Variants in OCM observed in about 807,000 individuals in gnomAD.
OCM encodes oncomodulin, also known as oncomodulin-1.
In OCM, 18 loss-of-function variants were observed where a neutral mutation model predicts 14.1. The ratio of observed to expected loss-of-function variants is 1.28; its 90% CI spans 0.88 to 1.89. The LOEUF (loss-of-function observed/expected upper bound fraction) is 1.89, where lower values mean the gene tolerates loss of function less well. Ranked by LOEUF, OCM falls within the 40% of genes most tolerant of loss-of-function variation. The pLI is 0.00. For missense variants in OCM, 140 were observed against 137.6 expected, an observed-to-expected ratio of 1.02 and a Z score of -0.09; for synonymous variants, 48 against 51.0, an observed-to-expected ratio of 0.94 and a Z score of 0.25.
intron 3 of OCM, among the ~76,000 whole-genome samples, chr7:5,884,553 T>G (rs1212996254): frequency 3.3e-5 from 5 of 152,142 alleles, no homozygotes; most frequent in African/African-American, 1.2e-4. Context: ...AGGTTTGAGC[T>G]TTAGAATACA....
upstream of OCM, among the ~76,000 whole-genome samples, chr7:5,875,076 A>T (rs1781068345): frequency 1.4e-5 from 2 of 144,696 alleles, no homozygotes; most frequent in Non-Finnish European, 3.0e-5. Context: ...TTTTTTTGAG[A>T]CGGAGTCTTG....
At chr7:5,881,365 A>G (rs1414164971) in intron 1 of OCM, among the ~76,000 whole-genome samples, 5 of 149,646 alleles carry the variant, frequency 3.3e-5, no homozygotes, top group African/African-American at 1.2e-4. Flanking sequence ...TCACATCTGT[A>G]ATCCCAACAC....
In OCM at chr7:5,886,302, C is replaced by T. The variant is rs1583173584; in HGVS notation, c.*213C>T. 5 of 556,006 alleles carry T rather than the reference C, an allele frequency of 9.0e-6. No individual in the cohort carries two copies. In the East Asian group the frequency reaches 1.1e-4, roughly 13 times the overall value. The allele number at this position is 556,006 out of a possible 1,614,324, so 34.4% of individuals were successfully genotyped here. A position where few individuals can be genotyped will look rare whatever the true frequency, so the allele number is the denominator to read the frequency against. The stretch of plus-strand genomic sequence containing the variant: ...TATATGCCCTGACAACTTCTGTAAG[C>T]CCCCCTTCCCCCAACAGGCAATGCC... On this transcript the variant is annotated 3_prime_UTR_variant, in exon 4 of 4. Transcript: ENST00000242104.
chr7:5,882,482 C>G lies in OCM; in HGVS notation c.62-11C>G, dbSNP rs1334590228. ...AACAAGCGTCAGAATAACCAATTCTCTGTTCTTCAGACCCAGACACTTTTG... is the reference window on the plus strand; with the variant it reads ...AACAAGCGTCAGAATAACCAATTCTGTGTTCTTCAGACCCAGACACTTTTG... On this transcript the variant is annotated splice_polypyrimidine_tract_variant and intron_variant, in intron 1 of 3. Coordinates refer to ENST00000242104, the MANE Select transcript of OCM (RefSeq NM_001097622.2). 1.2e-6 allele frequency: 2 copies of G among 1,613,742 alleles called. No individual in the cohort carries two copies. Among genetic ancestry groups the G allele is most frequent in the Non-Finnish European group, 1.7e-6 (2 of 1,179,830 alleles).
At chr7:5,877,283 G>A (rs575498056), upstream of OCM, among the ~76,000 whole-genome samples, 23 of 151,712 alleles carry the variant, frequency 1.5e-4, no homozygotes, top group South Asian at 2.3e-3. Context: ...GGGCAACATC[G>A]TGAGGCCCCC....
the OCM span, among the ~76,000 whole-genome samples, chr7:5,868,775 A>G: frequency 6.6e-6 from 1 of 152,088 alleles, no homozygotes; most frequent in Non-Finnish European, 1.5e-5. Context: ...CATGCTACTG[A>G]GTCCAGGCCG....
upstream of OCM, among the ~76,000 whole-genome samples, chr7:5,880,450 C>T (rs1432884527): frequency 6.6e-6 from 1 of 151,774 alleles, no homozygotes; most frequent in Non-Finnish European, 1.5e-5. Flanking sequence ...CAAAACCATG[C>T]TTATCACATT....
At chr7:5,874,003 G>A in the OCM span, among the ~76,000 whole-genome samples, 2 of 151,072 alleles carry the variant, frequency 1.3e-5, no homozygotes, top group Non-Finnish European at 2.9e-5. Context: ...ACTACTTGAG[G>A]TCAGGAGTTG....
chr7:5,881,720 T>C (rs1247052552), intron 1 of OCM, among the ~76,000 whole-genome samples: 1 of 151,880 alleles, frequency 6.6e-6, no homozygotes, highest in African/African-American at 2.4e-5. Context: ...TAACTAAAAT[T>C]ATAGAGATCT....
the OCM span, among the ~76,000 whole-genome samples, chr7:5,860,843 C>G: frequency 6.8e-6 from 1 of 147,754 alleles, no homozygotes; most frequent in Non-Finnish European, 1.5e-5. Context: ...CACATATATA[C>G]ACATACATAT....
chr7:5,864,339 C>G, the OCM span, among the ~76,000 whole-genome samples: 4 of 136,422 alleles, frequency 2.9e-5, no homozygotes, highest in Non-Finnish European at 6.2e-5. Flanking sequence ...AGGGGGAGAC[C>G]TTGTCTCAAA....
In OCM at chr7:5,883,753, A is replaced by G. The variant is rs1414472208; in HGVS notation, c.195-137A>G. ...ACCATTGGTTTCTACAGCTTAAGGAAACCTTTGCTTGCTAAGACCTTGGTT... is the reference window on the plus strand; with the variant it reads ...ACCATTGGTTTCTACAGCTTAAGGAGACCTTTGCTTGCTAAGACCTTGGTT... On this transcript the variant is annotated intron_variant, in intron 2 of 3. Transcript: ENST00000242104. 6.9e-6 allele frequency: 6 copies of G among 866,612 alleles called. No homozygotes were observed. In the Admixed American group the frequency reaches 1.4e-4, roughly 21 times the overall value. The allele number at this position is 866,612 out of a possible 1,614,324, so 53.7% of individuals were successfully genotyped here.
chr7:5,861,159 C>A, the OCM span, among the ~76,000 whole-genome samples: 2 of 152,176 alleles, frequency 1.3e-5, no homozygotes, highest in South Asian at 4.1e-4. Context: ...CGGTGGCTCA[C>A]GCCTGTAATC....
At chr7:5,862,302 T>G in the OCM span, among the ~76,000 whole-genome samples, 1 of 152,020 alleles carries the variant, frequency 6.6e-6, no homozygotes, top group African/African-American at 2.4e-5. Context: ...GAGAGCTGTA[T>G]TTTCATAACC....
chr7:5,860,104 A>G, the OCM span, among the ~76,000 whole-genome samples: 2 of 152,024 alleles, frequency 1.3e-5, no homozygotes, highest in Admixed American at 1.3e-4. Context: ...GAAGACAGAT[A>G]AAAATATGGG....
the OCM span, among the ~76,000 whole-genome samples, chr7:5,863,955 AAGG>A: frequency 6.6e-6 from 1 of 151,898 alleles, no homozygotes; most frequent in African/African-American, 2.4e-5. Flanking sequence ...TTTCTCAGTT[AAGG>A]AGAAGGCAAG....
At chr7:5,875,752 G>A (rs1236158018), upstream of OCM, among the ~76,000 whole-genome samples, 2 of 151,500 alleles carry the variant, frequency 1.3e-5, no homozygotes, top group Non-Finnish European at 2.9e-5. Context: ...CACTCCCAAA[G>A]AAAAAGAAAG....
chr7:5,860,388 G>GTA, the OCM span, among the ~76,000 whole-genome samples: 15 of 141,140 alleles, frequency 1.1e-4, no homozygotes, highest in Admixed American at 1.1e-3. Flanking sequence ...ATATCATTAG[G>GTA]TATATATACG....
chr7:5,876,471 G>C (rs1319327977), upstream of OCM, among the ~76,000 whole-genome samples: 1 of 152,092 alleles, frequency 6.6e-6, no homozygotes, highest in South Asian at 2.1e-4. Context: ...TCTTTAAGGG[G>C]CTGGGCGAGG....
Sources: allele counts gnomAD v4.1 joint callset (sites outside exome capture counted in the v4.1 genomes callset), GRCh38; gene constraint gnomAD v4.1.1; transcripts MANE v1.5; gene names NCBI Gene and HGNC (gene_info 2026-07-23, HGNC 2026-07-21).